Variants in ZBTB24 observed in about 807,000 individuals in gnomAD.
The protein encoded by ZBTB24 is zinc finger and BTB domain containing 24, also known as zinc finger and BTB domain-containing protein 24.
ZBTB24 carries 32 observed loss-of-function variants against 53.8 expected under a neutral mutation model. That is an observed-to-expected ratio of 0.60 (90% CI 0.45 to 0.80). The LOEUF is 0.80. Ranked by LOEUF, ZBTB24 falls within the 30% of genes least tolerant of loss-of-function variation. ZBTB24 has a pLI of 0.00. For synonymous variants in ZBTB24, 297 were observed against 306.7 expected (o/e 0.97, Z 0.33); for missense variants, 722 against 837.1 (o/e 0.86, Z 1.70).
chr6:109,481,016 T>C (rs1562304574), intron 2 of ZBTB24, 59 bp downstream of exon 2: 1 of 1,598,460 alleles, frequency 6.3e-7, no homozygotes, highest in Non-Finnish European at 8.5e-7. Flanking sequence ...GAAGCTATTA[T>C]TATCATCACT....
chr6:109,475,415 A>T lies in ZBTB24; in HGVS notation c.1272T>A (p.His424Gln), dbSNP rs199868485. The T allele has an allele frequency of 6.2e-7, 1 of 1,614,158 alleles. No homozygotes were observed. Among genetic ancestry groups the T allele is most frequent in the African/African-American group, 1.3e-5 (1 of 75,034 alleles). The change falls in exon 5 of 7, where the codon CAT (histidine) becomes CAA (glutamine). Residue 424 changes from histidine to glutamine, a missense_variant. Physicochemically the swap from His to Gln is conservative, Grantham distance 24. Transcript: ENST00000230122. ...KFMDVSQLKKHLRTHTGEKPF... is the reference protein window; with the variant it reads ...KFMDVSQLKKQLRTHTGEKPF... ...GAGTTTTACCTGTGTGTGTTCGCAG[A>T]TGTTTCTTTAGCTGAGACACATCCA...
At position 109,476,871 on chromosome 6, in the gene ZBTB24, G is replaced by A; in HGVS notation, c.1012C>T (p.Gln338Ter). The A allele has an allele frequency of 6.2e-7, 1 of 1,614,186 alleles. No homozygotes were observed. The highest frequency in any genetic ancestry group is 8.5e-7 in the Non-Finnish European group (1 of 1,180,038). ...CCTGTGTGCATCCTGGTGTGGACCT[G>A]TAGCGAGTGCTTCTGGGCAAAGCCT... ...GKGFAQKHSLQVHTRMHTGER... is the reference protein window; with the variant it reads ...GKGFAQKHSL Residue 338 changes from glutamine to a stop codon, truncating the protein, a stop_gained, in exon 3 of 7, where the codon CAG becomes TAG. Coordinates refer to ENST00000230122, the MANE Select transcript of ZBTB24 (RefSeq NM_014797.3). LOFTEE classifies it high-confidence loss of function.
At chr6:109,474,068 G>A (rs534116098) in intron 5 of ZBTB24, among the ~76,000 whole-genome samples, 2 of 138,600 alleles carry the variant, frequency 1.4e-5, no homozygotes, top group East Asian at 2.1e-4. Flanking sequence ...CAGCCTGGGC[G>A]ACAGAGACAG....
intron 4 of ZBTB24, 141 bp from the exon 5 acceptor site, chr6:109,475,623 G>A: frequency 1.1e-6 from 1 of 950,326 alleles, no homozygotes; most frequent in Non-Finnish European, 1.6e-6. Flanking sequence ...CATTAATTTG[G>A]TAACTGTTAA....
intron 5 of ZBTB24, among the ~76,000 whole-genome samples, chr6:109,469,779 G>A (rs1056733124): frequency 6.6e-6 from 1 of 152,234 alleles, no homozygotes; most frequent in Non-Finnish European, 1.5e-5. Context: ...CAGACAGGGT[G>A]CTGGATGGGG....
At position 109,465,518 on chromosome 6, in the gene ZBTB24, C is replaced by T; in HGVS notation, c.*333G>A. 1.1e-6 allele frequency: 1 copy of T among 900,366 alleles called. No individual in the cohort carries two copies. Among genetic ancestry groups the T allele is most frequent in the South Asian group, 1.8e-5 (1 of 55,754 alleles). 55.8% of individuals were successfully genotyped at this position (900,366 alleles called of 1,614,324 possible). A position where few individuals can be genotyped will look rare whatever the true frequency, so the allele number is the denominator to read the frequency against. On this transcript the variant is annotated 3_prime_UTR_variant, in exon 7 of 7. Transcript: ENST00000230122. ...ACATAACTGGGGAGGTTGGCAAGAC[C>T]ATAACCTATGGCTGTGAACATTTAA...
intron 6 of ZBTB24, 115 bp from the exon 7 acceptor site, chr6:109,466,689 A>C: frequency 1.5e-6 from 2 of 1,376,330 alleles, no homozygotes; most frequent in Non-Finnish European, 2.0e-6. Flanking sequence ...GCAAGTCATA[A>C]GTCATGGGTT....
chr6:109,483,016 G>C (rs1776467657), intron 1 of ZBTB24, 82 bp downstream of exon 1: 1 of 152,240 alleles, frequency 6.6e-6, no homozygotes, highest in Admixed American at 6.5e-5. Flanking sequence ...CCCGACTGGG[G>C]AGCACACGGC....
At position 109,466,507 on chromosome 6, in the gene ZBTB24, G is replaced by A. The variant is rs781158985; in HGVS notation, c.1438C>T (p.His480Tyr). The A allele has an allele frequency of 6.2e-7, 1 of 1,614,096 alleles. No individual in the cohort carries two copies. Among genetic ancestry groups the A allele is most frequent in the Admixed American group, 1.7e-5 (1 of 60,024 alleles). ...TTCTTGCCAGTGTGTAGAATGCAGTGTCTCCTTTTGGCACTGGAGTCAGAG... is the reference window on the plus strand; with the variant it reads ...TTCTTGCCAGTGTGTAGAATGCAGTATCTCCTTTTGGCACTGGAGTCAGAG... ...SFSDSSAKRR[H>Y]CILHTGKKPF... The change falls in exon 7 of 7, where the codon CAC becomes TAC. Residue 480 changes from histidine to tyrosine, a missense_variant. Transcript: ENST00000230122.
At chr6:109,476,736 G>A in intron 3 of ZBTB24, 27 bp downstream of exon 3, 1 of 1,608,590 alleles carries the variant, frequency 6.2e-7, no homozygotes, top group Non-Finnish European at 8.5e-7. Context: ...ATCTGGTGAA[G>A]CTGGCCCTCT....
chr6:109,464,163 G>A lies in ZBTB24; in HGVS notation c.*1688C>T, dbSNP rs1171555950. The A allele has an allele frequency of 6.6e-6, 1 of 152,094 alleles. No individual in the cohort carries two copies. The highest frequency in any genetic ancestry group is 1.9e-4 in the East Asian group (1 of 5,204). The allele number at this position is 152,094 out of a possible 1,614,324, so 9.4% of individuals were successfully genotyped here. ...GGCTTAACAGTGTTTGTAAAAAATT[G>A]TTATCTTTGCTCTAGTCAGGCCTGA... On this transcript the variant is annotated 3_prime_UTR_variant, in exon 7 of 7. Coordinates refer to ENST00000230122, the MANE Select transcript of ZBTB24 (RefSeq NM_014797.3).
At chr6:109,473,675 G>GT (rs1776216188) in intron 5 of ZBTB24, among the ~76,000 whole-genome samples, 1 of 152,202 alleles carries the variant, frequency 6.6e-6, no homozygotes, top group African/African-American at 2.4e-5. Flanking sequence ...ATTCACTGCT[G>GT]TATCCTCAAA....
intron 2 of ZBTB24, among the ~76,000 whole-genome samples, chr6:109,478,970 G>GA (rs1210815445): frequency 6.6e-6 from 1 of 151,880 alleles, no homozygotes; most frequent in Non-Finnish European, 1.5e-5. Flanking sequence ...CCTAAAGGGG[G>GA]AAAAAAATAA....
At chr6:109,478,796 G>A (rs371488440) in intron 2 of ZBTB24, among the ~76,000 whole-genome samples, 64 of 151,046 alleles carry the variant, frequency 4.2e-4, no homozygotes, top group African/African-American at 1.5e-3. Flanking sequence ...CACTCAAGGA[G>A]AGCCTTTTGT....
chr6:109,476,038 C>A, intron 4 of ZBTB24, 137 bp downstream of exon 4: 1 of 871,528 alleles, frequency 1.1e-6, no homozygotes, highest in South Asian at 1.7e-5. Context: ...GTAATTTAGA[C>A]TCTTAAGGCA....
At chr6:109,476,100 T>G in intron 4 of ZBTB24, 75 bp downstream of exon 4, 3 of 1,539,244 alleles carry the variant, frequency 1.9e-6, no homozygotes, top group Non-Finnish European at 2.7e-6. Flanking sequence ...CAGAACAATA[T>G]AAACCTAATG....
At position 109,463,792 on chromosome 6, in the gene ZBTB24, C is replaced by A. The variant is rs1775965668; in HGVS notation, c.*2059G>T. On this transcript the variant is annotated 3_prime_UTR_variant, in exon 7 of 7. Transcript: ENST00000230122. ...TATTTTTATATGTTGAAATATTTGG[C>A]AAATGTTGGATTAAATAAACTTTTA... The A allele has an allele frequency of 6.6e-6, 1 of 152,116 alleles. No individual in the cohort carries two copies. Among genetic ancestry groups the A allele is most frequent in the African/African-American group, 2.4e-5 (1 of 41,422 alleles). The allele number at this position is 152,116 out of a possible 1,614,324, so 9.4% of individuals were successfully genotyped here. A position where few individuals can be genotyped will look rare whatever the true frequency, so the allele number is the denominator to read the frequency against.
chr6:109,468,247 C>G (rs1015303325), intron 5 of ZBTB24, among the ~76,000 whole-genome samples: 2 of 152,104 alleles, frequency 1.3e-5, no homozygotes, highest in African/African-American at 4.8e-5. Context: ...TATGGGGTCT[C>G]CATTTCTGCT....
rs775440070 is a variant in ZBTB24, at chr6:109,481,906, A to C, written c.121T>G (p.Leu41Val). The C allele has an allele frequency of 1.6e-5, 26 of 1,614,068 alleles. No individual in the cohort carries two copies. Among genetic ancestry groups the C allele is most frequent in the African/African-American group, 2.7e-5 (2 of 74,930 alleles). The change falls in exon 2 of 7, where the codon TTA becomes GTA. Residue 41 changes from leucine to valine, a missense_variant. Physicochemically the swap from Leu to Val is conservative, Grantham distance 32. Coordinates refer to ENST00000230122, the MANE Select transcript of ZBTB24 (RefSeq NM_014797.3). ...CGGAAATGTACATTCTCCACGATTA[A>C]AGTAATGTCACAGAGGAAGCCTTTC... is the stretch of plus-strand genomic sequence containing the variant. ...RKKGFLCDIT[L>V]IVENVHFRAH...
Sources: gnomAD v4.1 joint callset for allele counts (sites outside exome capture counted in the v4.1 genomes callset) on GRCh38, gnomAD v4.1.1 for gene constraint, MANE v1.5 for transcripts, NCBI Gene and HGNC (gene_info 2026-07-23, HGNC 2026-07-21) for gene names.